PDE5A: variants seen among roughly 807,000 people sequenced by gnomAD.
The protein encoded by PDE5A is cGMP-specific 3',5'-cyclic phosphodiesterase.
PDE5A carries 67 observed loss-of-function variants against 110.2 expected under a neutral mutation model. The ratio of observed to expected loss-of-function variants is 0.61; its 90% confidence interval spans 0.50 to 0.75. PDE5A has a LOEUF of 0.75. Among genes scored for constraint, PDE5A ranks in the 30% least tolerant of loss-of-function variants. The probability of loss-of-function intolerance (pLI) is 0.00; values close to 1 mark genes in which losing one functional copy is unlikely to be tolerated. For missense variants in PDE5A, 862 were observed against 1,045.1 expected (o/e 0.82, Z 2.42); for synonymous variants, 328 against 351.2 (o/e 0.93, Z 0.74).
At chr4:119,626,396 A>G (rs1730346932) in intron 1 of PDE5A, among the ~76,000 whole-genome samples, 1 of 152,226 alleles carries the variant, frequency 6.6e-6, no homozygotes, top group South Asian at 2.1e-4. Context: ...AGCCATCCCT[A>G]GTTTACATCT....
Position 119,542,368 on chromosome 4 carries a change from G to A in PDE5A, c.1572+91C>T, listed in dbSNP as rs894538574. 42 of 1,175,428 alleles carry A rather than the reference G, an allele frequency of 3.6e-5. No homozygotes were observed. The South Asian group carries it at 5.0e-4, about 14-fold the overall frequency. The allele number at this position is 1,175,428 out of a possible 1,614,324, so 72.8% of individuals were successfully genotyped here. A position where few individuals can be genotyped will look rare whatever the true frequency, so the allele number is the denominator to read the frequency against. On this transcript the variant is annotated intron_variant, in intron 10 of 20. Coordinates refer to ENST00000354960, the MANE Select transcript of PDE5A (RefSeq NM_001083.4). ...ATAATTTTGGTGAGGACACAATGAC[G>A]GAACACACACACACCATGAGTGATT...
rs777717408 is a variant in PDE5A, at chr4:119,628,637, C to T, written c.35G>A (p.Arg12Gln). ...ERAGPSFGQQRQQQQPQQQKQ... is the reference protein window; with the variant it reads ...ERAGPSFGQQQQQQQPQQQKQ... ...CTGCTGCTGGGGCTGCTGCTGCTGT[C>T]GCTGCTGCCCGAAGCTGGGGCCGGC... is the stretch of plus-strand genomic sequence containing the variant. The change falls in exon 1 of 21, where the codon CGA becomes CAA. Residue 12 changes from arginine to glutamine, a missense_variant. By Grantham distance (43) the Arg-to-Gln change is conservative. Transcript: ENST00000354960. The T allele has an allele frequency of 6.2e-7, 1 of 1,613,822 alleles. No individual in the cohort carries two copies. Among genetic ancestry groups the T allele is most frequent in the Non-Finnish European group, 8.5e-7 (1 of 1,179,972 alleles).
intron 10 of PDE5A, among the ~76,000 whole-genome samples, chr4:119,540,694 G>GA (rs907648182): frequency 2.3e-4 from 35 of 152,136 alleles, no homozygotes. Flanking sequence ...GAATACAATT[G>GA]AAACATCTGA....
intron 6 of PDE5A, among the ~76,000 whole-genome samples, chr4:119,561,264 C>T (rs889112347): frequency 2.6e-5 from 4 of 152,084 alleles, no homozygotes; most frequent in African/African-American, 9.7e-5. Context: ...TGGAAGAAAT[C>T]TGTACATTTC....
chr4:119,524,558 T>G (rs1029633621), intron 12 of PDE5A, among the ~76,000 whole-genome samples: 1 of 152,158 alleles, frequency 6.6e-6, no homozygotes, highest in African/African-American at 2.4e-5. Flanking sequence ...GACAATGTAT[T>G]AATCTTAGCT....
chr4:119,531,549 T>C (rs1296804771), intron 11 of PDE5A, among the ~76,000 whole-genome samples: 1 of 152,102 alleles, frequency 6.6e-6, no homozygotes, highest in African/African-American at 2.4e-5. Context: ...AGTGTTGAGA[T>C]TACAGGTGTG....
intron 3 of PDE5A, 47 bp from the exon 4 acceptor site, chr4:119,567,191 A>C: frequency 7.3e-7 from 1 of 1,370,032 alleles, no homozygotes; most frequent in South Asian, 1.2e-5. Flanking sequence ...GACTGAAATT[A>C]CTTGTAAAAA....
At chr4:119,512,394 T>C (rs1725775357) in intron 14 of PDE5A, 1 of 152,048 alleles carries the variant, frequency 6.6e-6, no homozygotes, top group African/African-American at 2.4e-5. Flanking sequence ...CATCAGAAAA[T>C]GGGATGACAA....
At chr4:119,498,794 C>G (rs1725185174) in intron 20 of PDE5A, 56 bp from the exon 21 acceptor site, 2 of 1,593,726 alleles carry the variant, frequency 1.3e-6, no homozygotes, top group Non-Finnish European at 1.7e-6. Flanking sequence ...TAAGTCCTCT[C>G]CCACAGGCCT....
chr4:119,532,413 A>G (rs1457304605), intron 11 of PDE5A, among the ~76,000 whole-genome samples: 2 of 152,134 alleles, frequency 1.3e-5, no homozygotes, highest in Non-Finnish European at 2.9e-5. Flanking sequence ...TCCACATTTT[A>G]CTTTTTTCAT....
intron 5 of PDE5A, 94 bp from the exon 6 acceptor site, chr4:119,563,064 TA>T: frequency 1.4e-5 from 14 of 1,029,078 alleles, no homozygotes; most frequent in Non-Finnish European, 1.6e-5. Context: ...TTATATAACC[TA>T]GCAGGTTATG....
At chr4:119,587,379 A>T (rs1426706231) in intron 3 of PDE5A, among the ~76,000 whole-genome samples, 1 of 139,174 alleles carries the variant, frequency 7.2e-6, no homozygotes, top group African/African-American at 2.6e-5. Context: ...ATTTTTTTGT[A>T]TTTTTTTTTT....
intron 9 of PDE5A, 76 bp from the exon 10 acceptor site, chr4:119,542,710 A>G: frequency 1.6e-6 from 2 of 1,284,484 alleles, no homozygotes; most frequent in Non-Finnish European, 2.2e-6. Flanking sequence ...AAACACACCC[A>G]AAGATTGTCT....
intron 1 of PDE5A, among the ~76,000 whole-genome samples, chr4:119,612,295 C>G (rs976189217): frequency 1.3e-5 from 2 of 152,200 alleles, no homozygotes; most frequent in Non-Finnish European, 2.9e-5. Context: ...GGGGGCAGAT[C>G]CCTCATGAAT....
intron 6 of PDE5A, among the ~76,000 whole-genome samples, chr4:119,562,502 C>T (rs1218507744): frequency 2.0e-5 from 3 of 152,148 alleles, no homozygotes; most frequent in Admixed American, 2.0e-4. Flanking sequence ...CATGAAAAGT[C>T]AGCACACTGT....
At chr4:119,500,007 C>T (rs960783897) in intron 20 of PDE5A, 3 of 151,772 alleles carry the variant, frequency 2.0e-5, no homozygotes, top group African/African-American at 7.3e-5. Context: ...AGGATAACAT[C>T]TATAATAGGT....
intron 1 of PDE5A, among the ~76,000 whole-genome samples, chr4:119,608,053 A>G (rs1729603640): frequency 6.6e-6 from 1 of 152,224 alleles, no homozygotes; most frequent in African/African-American, 2.4e-5. Flanking sequence ...CCTATTTTAG[A>G]TAGTTATATC....
At chr4:119,538,256 G>A (rs1268800773) in intron 11 of PDE5A, among the ~76,000 whole-genome samples, 1 of 152,086 alleles carries the variant, frequency 6.6e-6, no homozygotes, top group East Asian at 1.9e-4. Flanking sequence ...TGATGAGGAT[G>A]ACAGAAAAAG....
chr4:119,605,641 C>T (rs1169887970), intron 2 of PDE5A, among the ~76,000 whole-genome samples: 1 of 150,916 alleles, frequency 6.6e-6, no homozygotes, highest in African/African-American at 2.4e-5. Flanking sequence ...AGTGAGACTC[C>T]ATCTCAAAAA....
Sources: allele counts gnomAD v4.1 joint callset (sites outside exome capture counted in the v4.1 genomes callset), GRCh38; gene constraint gnomAD v4.1.1; transcripts MANE v1.5; gene names NCBI Gene and HGNC (gene_info 2026-07-23, HGNC 2026-07-21).